The following TLK1 variants were observed in gnomAD, a reference collection of about 807,000 sequenced individuals.
TLK1 encodes the protein serine/threonine-protein kinase tousled-like 1.
Under a neutral mutation model 105.3 loss-of-function variants are expected in TLK1, and 24 were observed. The observed-to-expected ratio is 0.23, with a 90% CI of 0.17 to 0.32. The LOEUF is 0.32. Ranked by LOEUF, TLK1 falls within the 10% of genes least tolerant of loss-of-function variation. TLK1 has a pLI of 1.00. For missense variants in TLK1, 558 were observed against 910.5 expected (o/e 0.61, Z 4.98); for synonymous variants, 321 against 310.4 (o/e 1.03, Z -0.36).
At chr2:171,188,833 C>T (rs1393031762) in intron 1 of TLK1, among the ~76,000 whole-genome samples, 1 of 151,120 alleles carries the variant, frequency 6.6e-6, no homozygotes, top group Non-Finnish European at 1.5e-5. Context: ...CGAGATCAGG[C>T]CACTGCACTC....
chr2:171,064,494 A>AT (rs1435442726), intron 3 of TLK1, among the ~76,000 whole-genome samples: 2 of 152,234 alleles, frequency 1.3e-5, no homozygotes, highest in Non-Finnish European at 2.9e-5. Flanking sequence ...ATGTGCACAT[A>AT]TTAAACATTT....
chr2:171,193,400 GT>G (rs548997754), intron 1 of TLK1, among the ~76,000 whole-genome samples: 161 of 138,700 alleles, frequency 1.2e-3, no homozygotes, highest in Non-Finnish European at 1.7e-3. Flanking sequence ...TTAGTTTTTC[GT>G]TTTTTTTTTT....
At chr2:171,108,100 C>T (rs1690011706) in intron 2 of TLK1, among the ~76,000 whole-genome samples, 1 of 150,622 alleles carries the variant, frequency 6.6e-6, no homozygotes, top group South Asian at 2.1e-4. Flanking sequence ...AAAACAGGAG[C>T]CAGGAGACCA....
chr2:170,991,696 A>AAGTT lies in TLK1; in HGVS notation c.*2080_*2083dup, dbSNP rs1296631422. Reference sequence around the variant, plus strand: ...ATACTACTTAACTTACTGAACCTCAAAGTTAGATTTACACATTCACTTCGT... The same window carrying AAGTT: ...ATACTACTTAACTTACTGAACCTCAAAGTTAGTTAGATTTACACATTCACTTCGT... On this transcript the variant is annotated 3_prime_UTR_variant, in exon 21 of 21. Transcript: ENST00000431350. 1 of 152,196 alleles carries AAGTT rather than the reference A, an allele frequency of 6.6e-6. No individual in the cohort carries two copies. The highest frequency in any genetic ancestry group is 1.5e-5 in the Non-Finnish European group (1 of 68,026). 9.4% of individuals were successfully genotyped at this position (152,196 alleles called of 1,614,324 possible). A position where few individuals can be genotyped will look rare whatever the true frequency, so the allele number is the denominator to read the frequency against.
intron 18 of TLK1, among the ~76,000 whole-genome samples, chr2:171,003,273 C>CAAA (rs777049271): frequency 0.015 from 993 of 68,238 alleles, 112 homozygotes; most frequent in East Asian, 0.039. Flanking sequence ...GACTCCGTCT[C>CAAA]AAAAAAAAAA....
chr2:171,034,275 T>C (rs2555923), intron 11 of TLK1, among the ~76,000 whole-genome samples: 6,492 of 152,076 alleles, frequency 0.043, 411 homozygotes, highest in African/African-American at 0.14. Flanking sequence ...CAAAACAAGC[T>C]CACACAGAAT....
At chr2:171,092,162 T>C (rs772825228) in intron 2 of TLK1, among the ~76,000 whole-genome samples, 2 of 152,166 alleles carry the variant, frequency 1.3e-5, no homozygotes, top group Non-Finnish European at 2.9e-5. Context: ...ATTCTGTGAA[T>C]TGACTGATAT....
chr2:171,034,409 A>G (rs141988314), intron 11 of TLK1, among the ~76,000 whole-genome samples: 8 of 152,378 alleles, frequency 5.3e-5, no homozygotes, highest in Non-Finnish European at 7.3e-5. Context: ...GTTCAGCCAT[A>G]AAAAGAATGA....
intron 1 of TLK1, among the ~76,000 whole-genome samples, chr2:171,227,763 T>C (rs767545179): frequency 1.6e-4 from 25 of 152,010 alleles, no homozygotes; most frequent in Non-Finnish European, 2.4e-4. Context: ...AAAATTTCTT[T>C]CCAGTATAGT....
At chr2:171,190,312 G>A (rs1417014920) in intron 1 of TLK1, among the ~76,000 whole-genome samples, 4 of 152,142 alleles carry the variant, frequency 2.6e-5, no homozygotes, top group Non-Finnish European at 5.9e-5. Context: ...TGCCCATGGT[G>A]CTAACTCACC....
At chr2:171,156,007 G>A (rs930464248) in intron 1 of TLK1, among the ~76,000 whole-genome samples, 3 of 152,144 alleles carry the variant, frequency 2.0e-5, no homozygotes, top group Non-Finnish European at 2.9e-5. Context: ...TTCTTTAAAT[G>A]TATCTTCCAT....
chr2:171,189,564 C>G (rs1693102855), intron 1 of TLK1, among the ~76,000 whole-genome samples: 1 of 152,132 alleles, frequency 6.6e-6, no homozygotes, highest in African/African-American at 2.4e-5. Flanking sequence ...TTAAAATGTT[C>G]AAAGTCCCAC....
At chr2:171,081,744 T>C (rs754926511) in intron 3 of TLK1, 9 of 1,286,408 alleles carry the variant, frequency 7.0e-6, no homozygotes, top group African/African-American at 6.2e-5. Flanking sequence ...GAGAGCCCTA[T>C]GCCATACTCC....
chr2:171,164,930 G>A (rs1692578824), upstream of TLK1, among the ~76,000 whole-genome samples: 1 of 152,076 alleles, frequency 6.6e-6, no homozygotes, highest in Admixed American at 6.6e-5. Flanking sequence ...AGACTAGCCT[G>A]GGCAACAGAG....
At chr2:171,001,665 CAAAT>C (rs1684381671) in intron 18 of TLK1, among the ~76,000 whole-genome samples, 1 of 152,232 alleles carries the variant, frequency 6.6e-6, no homozygotes, top group South Asian at 2.1e-4. Context: ...CTCTTCCTTA[CAAAT>C]AAATGTCCTC....
chr2:171,135,798 A>G (rs1287875704), intron 1 of TLK1, among the ~76,000 whole-genome samples: 1 of 152,116 alleles, frequency 6.6e-6, no homozygotes, highest in Non-Finnish European at 1.5e-5. Context: ...AAAAAAGAAA[A>G]AGATGCTCAA....
At chr2:171,215,036 G>T (rs1302638355) in intron 1 of TLK1, among the ~76,000 whole-genome samples, 2 of 152,044 alleles carry the variant, frequency 1.3e-5, no homozygotes, top group African/African-American at 4.8e-5. Context: ...TAACTCCTGG[G>T]TTCAAGCAAT....
chr2:171,082,917 T>A, intron 2 of TLK1, 65 bp from the exon 3 acceptor site: 1 of 1,067,074 alleles, frequency 9.4e-7, no homozygotes, highest in Non-Finnish European at 1.4e-6. Context: ...GGAATAATTT[T>A]AAACAAACAT....
chr2:171,038,688 G>A (rs1558898898), intron 11 of TLK1, among the ~76,000 whole-genome samples: 2 of 152,100 alleles, frequency 1.3e-5, no homozygotes, highest in Non-Finnish European at 2.9e-5. Flanking sequence ...AATGACTAAG[G>A]GAGAAAGAAT....
Sources: allele counts gnomAD v4.1 joint callset (sites outside exome capture counted in the v4.1 genomes callset), GRCh38; gene constraint gnomAD v4.1.1; transcripts MANE v1.5; gene names NCBI Gene and HGNC (gene_info 2026-07-23, HGNC 2026-07-21).